The following MKLN1 variants were observed in gnomAD, a reference collection of about 807,000 sequenced individuals.
The protein encoded by MKLN1 is muskelin.
Under a neutral mutation model 99.0 loss-of-function variants are expected in MKLN1, and 18 were observed. That is an observed-to-expected ratio of 0.18 (90% CI 0.13 to 0.27). The LOEUF is 0.27. Ranked by LOEUF, MKLN1 falls within the 10% of genes least tolerant of loss-of-function variation. The pLI, the probability that MKLN1 is intolerant of heterozygous loss-of-function variation, is 1.00. For synonymous variants in MKLN1, 288 were observed against 293.2 expected, an observed-to-expected ratio of 0.98 and a Z score of 0.18; for missense variants, 621 against 875.9, an observed-to-expected ratio of 0.71 and a Z score of 3.67.
chr7:131,173,144 C>T (rs1251695512), intron 2 of MKLN1, among the ~76,000 whole-genome samples: 3 of 144,598 alleles, frequency 2.1e-5, no homozygotes, highest in Admixed American at 6.8e-5. Flanking sequence ...TATACAAACA[C>T]ACACACACAC....
chr7:131,263,368 T>TAATAATAAAAAA (rs373239401), intron 3 of MKLN1, among the ~76,000 whole-genome samples: 5 of 140,350 alleles, frequency 3.6e-5, no homozygotes, highest in East Asian at 2.2e-4. Flanking sequence ...ATAATAATAA[T>TAATAATAAAAAA]AATAAAATTA....
chr7:131,114,592 T>C (rs1439736689), intron 1 of MKLN1, among the ~76,000 whole-genome samples: 1 of 152,020 alleles, frequency 6.6e-6, no homozygotes, highest in Non-Finnish European at 1.5e-5. Context: ...GAACAAGTAG[T>C]TTCAAAGGAG....
chr7:131,206,700 C>T (rs531116265), intron 3 of MKLN1, among the ~76,000 whole-genome samples: 2 of 152,030 alleles, frequency 1.3e-5, no homozygotes, highest in Non-Finnish European at 2.9e-5. Context: ...GGACTACAGG[C>T]GTGCGCCACC....
chr7:131,270,108 G>A (rs532581599), intron 3 of MKLN1, among the ~76,000 whole-genome samples: 1 of 151,900 alleles, frequency 6.6e-6, no homozygotes, highest in African/African-American at 2.4e-5. Context: ...ATTTTTAGTA[G>A]AGACAGGGTA....
intron 1 of MKLN1, among the ~76,000 whole-genome samples, chr7:131,345,515 G>A (rs767402804): frequency 6.6e-6 from 1 of 152,112 alleles, no homozygotes. Context: ...CCAGAAGTTG[G>A]AGAATAGCTT....
At chr7:131,209,834 T>A (rs1796874099) in intron 3 of MKLN1, among the ~76,000 whole-genome samples, 1 of 152,152 alleles carries the variant, frequency 6.6e-6, no homozygotes, top group African/African-American at 2.4e-5. Context: ...TGGGGATAGA[T>A]GTGGCTGTCC....
At chr7:131,139,613 T>C (rs1195740799) in intron 1 of MKLN1, among the ~76,000 whole-genome samples, 1 of 152,150 alleles carries the variant, frequency 6.6e-6, no homozygotes, top group Non-Finnish European at 1.5e-5. Context: ...ACATGGGCTG[T>C]GACAAGAAGT....
intron 3 of MKLN1, among the ~76,000 whole-genome samples, chr7:131,300,982 T>C (rs1413918611): frequency 6.6e-6 from 1 of 152,236 alleles, no homozygotes; most frequent in Non-Finnish European, 1.5e-5. Context: ...CAGCTGTCAG[T>C]TACTAGCAGC....
At position 131,189,548 on chromosome 7, in the gene MKLN1, A is replaced by G. The variant is rs548701763; in HGVS notation, c.-296-13309A>G. ...TTAAAAAACAAACAAAAAAAAAAACACAAAACTCCCAAACCACCCAGACAA... is the reference window on the plus strand; with the variant it reads ...TTAAAAAACAAACAAAAAAAAAAACGCAAAACTCCCAAACCACCCAGACAA... On this transcript the variant is annotated intron_variant, in intron 2 of 7. Transcript: ENST00000416992. Among the ~76,000 whole-genome samples, 543 of 66,196 alleles carry G rather than the reference A, an allele frequency of 8.2e-3. 4 individuals carry two copies. The highest frequency in any genetic ancestry group is 0.025 in the African/African-American group (514 of 20,720). The allele number at this position is 66,196 out of a possible 152,430, so 43.4% of individuals were successfully genotyped here.
At position 131,488,336 on chromosome 7, in the gene MKLN1, G is replaced by A. The variant is rs1797341342; in HGVS notation, c.*608G>A. ...TACATTAAACAGTAGGCAGAACTGA[G>A]GTCTCAAGTTTGCACTCTTGGCCAT... On this transcript the variant is annotated 3_prime_UTR_variant, in exon 18 of 18. Transcript: ENST00000352689. 1 of 152,034 alleles carries A rather than the reference G, an allele frequency of 6.6e-6. No homozygotes were observed. Among genetic ancestry groups the A allele is most frequent in the Non-Finnish European group, 1.5e-5 (1 of 67,978 alleles). 9.4% of individuals were successfully genotyped at this position (152,034 alleles called of 1,614,324 possible). A position where few individuals can be genotyped will look rare whatever the true frequency, so the allele number is the denominator to read the frequency against.
chr7:131,315,134 G>A (rs1342025920), intron 3 of MKLN1, among the ~76,000 whole-genome samples: 1 of 152,110 alleles, frequency 6.6e-6, no homozygotes, highest in Non-Finnish European at 1.5e-5. Context: ...GGGCCAAGAT[G>A]GCCGAATAGA....
chr7:131,416,189 C>T (rs753306413), intron 8 of MKLN1, among the ~76,000 whole-genome samples: 4 of 152,152 alleles, frequency 2.6e-5, no homozygotes, highest in Non-Finnish European at 5.9e-5. Flanking sequence ...AAGCAAAATG[C>T]ACTTTCCTTA....
chr7:131,315,460 G>A (rs571319025), intron 3 of MKLN1, among the ~76,000 whole-genome samples: 2 of 152,318 alleles, frequency 1.3e-5, no homozygotes, highest in South Asian at 2.1e-4. Context: ...TGGGTTTCAA[G>A]CACAAAACCA....
At chr7:131,241,554 A>T (rs1470584660) in intron 3 of MKLN1, among the ~76,000 whole-genome samples, 3 of 152,202 alleles carry the variant, frequency 2.0e-5, no homozygotes, top group Non-Finnish European at 4.4e-5. Context: ...AAAAATTTTT[A>T]AAAAGTAGCC....
intron 6 of MKLN1, among the ~76,000 whole-genome samples, chr7:131,409,756 T>A (rs1225140329): frequency 6.6e-6 from 1 of 152,142 alleles, no homozygotes; most frequent in Non-Finnish European, 1.5e-5. Flanking sequence ...ATGTAAAAGC[T>A]AGGGTTTCTA....
intron 3 of MKLN1, among the ~76,000 whole-genome samples, chr7:131,278,808 C>A (rs1370694132): frequency 6.6e-6 from 1 of 152,046 alleles, no homozygotes; most frequent in Non-Finnish European, 1.5e-5. Flanking sequence ...CTACGTTGCC[C>A]AGGCTGGTCT....
intron 2 of MKLN1, among the ~76,000 whole-genome samples, chr7:131,152,777 T>C (rs1248717335): frequency 6.6e-6 from 1 of 152,058 alleles, no homozygotes; most frequent in Non-Finnish European, 1.5e-5. Context: ...CTTACTTTTG[T>C]AGTTTGCTTG....
intron 9 of MKLN1, among the ~76,000 whole-genome samples, chr7:131,435,536 C>T (rs933572292): frequency 3.3e-5 from 5 of 151,946 alleles, no homozygotes; most frequent in African/African-American, 1.2e-4. Flanking sequence ...ATATAATTTA[C>T]CAGTGTAGAT....
chr7:131,401,598 G>T (rs1397057240), intron 6 of MKLN1, among the ~76,000 whole-genome samples: 1 of 151,892 alleles, frequency 6.6e-6, no homozygotes, highest in Non-Finnish European at 1.5e-5. Flanking sequence ...TGTTTTCCTG[G>T]TTTAAAAAAT....
Sources: gnomAD v4.1 joint callset for allele counts (sites outside exome capture counted in the v4.1 genomes callset) on GRCh38, gnomAD v4.1.1 for gene constraint, MANE v1.5 for transcripts, NCBI Gene and HGNC (gene_info 2026-07-23, HGNC 2026-07-21) for gene names.